GNL2: variants seen among roughly 807,000 people sequenced by gnomAD.
The protein encoded by GNL2 is nucleolar GTP-binding protein 2.
Under a neutral mutation model 92.3 loss-of-function variants are expected in GNL2, and 51 were observed. The observed-to-expected ratio is 0.55, with a 90% CI of 0.44 to 0.70. The LOEUF (loss-of-function observed/expected upper bound fraction) is 0.70. GNL2 is among the 30% of genes least tolerant of loss of function. The pLI is 0.00. For synonymous variants in GNL2, 283 were observed against 300.6 expected (o/e 0.94, Z 0.61); for missense variants, 844 against 895.6 (o/e 0.94, Z 0.74).
chr1:37,582,196 C>A, intron 8 of GNL2, 27 bp downstream of exon 8: 1 of 1,437,874 alleles, frequency 7.0e-7, no homozygotes, highest in Non-Finnish European at 9.7e-7. Flanking sequence ...TACACAACTC[C>A]AGGAGAAACA....
chr1:37,579,340 A>G (rs111994840), intron 8 of GNL2, among the ~76,000 whole-genome samples: 7,801 of 151,568 alleles, frequency 0.051, 290 homozygotes, highest in Non-Finnish European at 0.077. Flanking sequence ...CTGAGGTCGG[A>G]AGTTTGAGAC....
chr1:37,588,438 AT>A (rs1320327729), intron 4 of GNL2, among the ~76,000 whole-genome samples: 6 of 152,196 alleles, frequency 3.9e-5, no homozygotes, highest in African/African-American at 1.4e-4. Context: ...ATTTTCTCAG[AT>A]GCCCTAACCC....
Position 37,587,356 on chromosome 1 carries a change from T to C in GNL2, c.524A>G (p.Asp175Gly), listed in dbSNP as rs762828839. 16 of 1,613,270 alleles carry C rather than the reference T, an allele frequency of 9.9e-6. No individual in the cohort carries two copies. The highest frequency in any genetic ancestry group is 1.4e-5 in the Non-Finnish European group (16 of 1,179,586). ...TACCAAATCACGATCCTTGCCCTGG[T>C]CATAGCTCTCAGTGGACATTTCAGC... is the stretch of plus-strand genomic sequence containing the variant. ...ENAEMSTESY[D>G]QGKDRDLVTE... The change falls in exon 5 of 16, where the codon GAC (aspartate) becomes GGC (glycine). Residue 175 changes from aspartate to glycine, a missense_variant. By Grantham distance (94) the Asp-to-Gly change is moderately conservative. Transcript: ENST00000373062.
intron 5 of GNL2, among the ~76,000 whole-genome samples, chr1:37,586,711 A>G (rs1399120494): frequency 1.3e-5 from 2 of 152,286 alleles, no homozygotes; most frequent in East Asian, 3.9e-4. Context: ...CAACTTAACT[A>G]TATTTCCTAA....
intron 1 of GNL2, 66 bp from the exon 2 acceptor site, chr1:37,593,912 C>A: frequency 8.4e-7 from 1 of 1,189,880 alleles, no homozygotes; most frequent in South Asian, 1.3e-5. Context: ...CAAGTCATTG[C>A]TTAAAATGCA....
chr1:37,578,731 T>C (rs1378991542), intron 8 of GNL2, among the ~76,000 whole-genome samples: 1 of 152,126 alleles, frequency 6.6e-6, no homozygotes, highest in Admixed American at 6.5e-5. Flanking sequence ...CTAATTTTTT[T>C]CTATCTTTTG....
intron 3 of GNL2, 114 bp from the exon 4 acceptor site, chr1:37,590,959 C>T: frequency 1.1e-6 from 1 of 890,464 alleles, no homozygotes; most frequent in East Asian, 2.6e-5. Context: ...GCACCTGATC[C>T]ATCCATCCCT....
intron 8 of GNL2, 25 bp downstream of exon 8, chr1:37,582,198 G>C: frequency 6.9e-6 from 10 of 1,458,798 alleles, no homozygotes; most frequent in Non-Finnish European, 9.5e-6. Flanking sequence ...CACAACTCCA[G>C]GAGAAACAGA....
At chr1:37,578,828 G>A (rs1643719506) in intron 8 of GNL2, among the ~76,000 whole-genome samples, 1 of 152,076 alleles carries the variant, frequency 6.6e-6, no homozygotes, top group African/African-American at 2.4e-5. Context: ...CCAAAGTGGT[G>A]GGATTATAGG....
chr1:37,568,740 C>A, intron 13 of GNL2, 111 bp downstream of exon 13: 1 of 796,448 alleles, frequency 1.3e-6, no homozygotes, highest in South Asian at 1.7e-5. Flanking sequence ...AAAAACCCAA[C>A]CGAACAAACA....
rs773078699 is a variant in GNL2 at position 37,566,884 on chromosome 1, T to C, written c.2167A>G (p.Lys723Glu). Reference sequence around the variant, plus strand: ...TGCTTTTGTCTGAATTTTTTGCGTTTGTGTTTCTGTCCCTCTGAGTCATTG... The same window carrying C: ...TGCTTTTGTCTGAATTTTTTGCGTTCGTGTTTCTGTCCCTCTGAGTCATTG... ...KTNDSEGQKH[K>E]RKKFRQKQ The change falls in exon 16 of 16, where the codon AAA becomes GAA. Residue 723 changes from lysine (K) to glutamate (E), a missense_variant. By Grantham distance (56) the Lys-to-Glu change is moderately conservative. Coordinates refer to ENST00000373062, the MANE Select transcript of GNL2 (RefSeq NM_013285.3). 2 of 1,613,868 alleles carry C rather than the reference T, an allele frequency of 1.2e-6. No homozygotes were observed. Among genetic ancestry groups the C allele is most frequent in the South Asian group, 1.1e-5 (1 of 90,930 alleles).
rs1035039684 is a variant in GNL2, at chr1:37,576,667, C to T, written c.910-111G>A. ...AGAATACAGTGCAAAACTGTTGATACAACTTGATCTGAAGCCTAGATACAC... is the reference window on the plus strand; with the variant it reads ...AGAATACAGTGCAAAACTGTTGATATAACTTGATCTGAAGCCTAGATACAC... On this transcript the variant is annotated intron_variant, in intron 8 of 15. Transcript: ENST00000373062. 2.9e-6 allele frequency: 3 copies of T among 1,018,692 alleles called. No homozygotes were observed. In the African/African-American group the frequency reaches 4.8e-5, roughly 16 times the overall value. The allele number at this position is 1,018,692 out of a possible 1,614,324, so 63.1% of individuals were successfully genotyped here.
At chr1:37,588,661 A>C (rs1643870583) in intron 4 of GNL2, among the ~76,000 whole-genome samples, 1 of 152,134 alleles carries the variant, frequency 6.6e-6, no homozygotes, top group South Asian at 2.1e-4. Context: ...CACATTAGTA[A>C]GTATAACACA....
intron 8 of GNL2, among the ~76,000 whole-genome samples, chr1:37,580,947 C>A (rs893108358): frequency 1.4e-4 from 22 of 152,206 alleles, no homozygotes; most frequent in African/African-American, 5.3e-4. Context: ...AGTGGCCACC[C>A]TGCAGGCTGC....
chr1:37,574,341 A>G lies in GNL2; in HGVS notation c.1416+2T>C. 6.2e-7 allele frequency: 1 copy of G among 1,609,264 alleles called. No homozygotes were observed. Among genetic ancestry groups the G allele is most frequent in the Non-Finnish European group, 8.5e-7 (1 of 1,176,056 alleles). On this transcript the variant is annotated splice_donor_variant, in intron 12 of 15. Coordinates refer to ENST00000373062, the MANE Select transcript of GNL2 (RefSeq NM_013285.3). LOFTEE classifies it high-confidence loss of function. ...CCAGAGGTGGGCCCACCCTGCTCTT[A>G]CCTGGGGGGCCACAAGTGGCTCTGC...
In GNL2 at chr1:37,569,124, T is replaced by C; in HGVS notation, c.1595A>G (p.Asn532Ser). 6.2e-7 allele frequency: 1 copy of C among 1,614,196 alleles called. No individual in the cohort carries two copies. The highest frequency in any genetic ancestry group is 8.5e-7 in the Non-Finnish European group (1 of 1,180,038). ...MQQILTRVRQ[N>S]FGKINVVPQF... The stretch of plus-strand genomic sequence containing the variant: ...AGGCACCACGTTGATTTTACCAAAG[T>C]TCTGCCGAACTCGTGTGAGAATCTG... The change falls in exon 13 of 16, where the codon AAC (asparagine) becomes AGC (serine). Residue 532 changes from asparagine (N) to serine (S), a missense_variant. Asn to Ser is a conservative substitution (Grantham distance 46, BLOSUM62 1). Transcript: ENST00000373062.
intron 4 of GNL2, 44 bp from the exon 5 acceptor site, chr1:37,587,539 G>A (rs1212154832): frequency 2.1e-6 from 3 of 1,398,056 alleles, no homozygotes; most frequent in Admixed American, 4.2e-5. Flanking sequence ...GAAAAGCACT[G>A]AGAAAAAGCA....
intron 8 of GNL2, among the ~76,000 whole-genome samples, chr1:37,577,304 A>G (rs1643693800): frequency 1.3e-5 from 2 of 152,184 alleles, no homozygotes; most frequent in African/African-American, 4.8e-5. Context: ...AACAAAAGAA[A>G]AAAAGCAACC....
At position 37,574,732 on chromosome 1, in the gene GNL2, A is replaced by G. The variant is rs138683858; in HGVS notation, c.1235T>C (p.Ile412Thr). The G allele has an allele frequency of 7.7e-5, 125 of 1,613,890 alleles. No homozygotes were observed. The African/African-American group carries it at 1.3e-3, about 16-fold the overall frequency. The change falls in exon 11 of 16, where the codon ATT (isoleucine) becomes ACT (threonine). Residue 412 changes from isoleucine (I) to threonine (T), a missense_variant. Physicochemically the swap from Ile to Thr is moderately conservative, Grantham distance 89. Coordinates refer to ENST00000373062, the MANE Select transcript of GNL2 (RefSeq NM_013285.3). Reference protein sequence around the residue: ...KPEYISKTYKIDSWENAEDFL... With the variant: ...KPEYISKTYKTDSWENAEDFL... ...GTCCTCAGCATTCTCCCAAGAATCA[A>G]TCTTGTATGTTTTGCTGATATATTC...
Sources: allele counts gnomAD v4.1 joint callset (sites outside exome capture counted in the v4.1 genomes callset), GRCh38; gene constraint gnomAD v4.1.1; transcripts MANE v1.5; gene names NCBI Gene and HGNC (gene_info 2026-07-23, HGNC 2026-07-21).